The following SRGAP3 variants were observed in gnomAD, a reference collection of about 807,000 sequenced individuals.
SRGAP3 encodes SLIT-ROBO Rho GTPase activating protein 3.
A neutral mutation model predicts 121.1 loss-of-function variants in SRGAP3; 39 were observed. The observed-to-expected ratio is 0.32, with a 90% CI of 0.25 to 0.42. The LOEUF (loss-of-function observed/expected upper bound fraction) is 0.42. Ranked by LOEUF, SRGAP3 falls within the 10% of genes least tolerant of loss-of-function variation. The probability of loss-of-function intolerance (pLI) is 1.00; values close to 1 mark genes in which losing one functional copy is unlikely to be tolerated. For synonymous variants in SRGAP3, 601 were observed against 570.0 expected, an observed-to-expected ratio of 1.05 and a Z score of -0.77; for missense variants, 1,213 against 1,470.6, an observed-to-expected ratio of 0.82 and a Z score of 2.86.
chr3:9,170,059 A>G (rs543080872), intron 1 of SRGAP3, among the ~76,000 whole-genome samples: 1 of 152,216 alleles, frequency 6.6e-6, no homozygotes, highest in Non-Finnish European at 1.5e-5. Context: ...GGACAAAATG[A>G]AGATTTAATC....
chr3:9,200,952 C>G (rs1952049932), intron 1 of SRGAP3, among the ~76,000 whole-genome samples: 1 of 152,144 alleles, frequency 6.6e-6, no homozygotes, highest in African/African-American at 2.4e-5. Flanking sequence ...CAGAGATGAT[C>G]AGCTGCCAGT....
At chr3:9,018,947 C>T (rs940266916) in intron 14 of SRGAP3, among the ~76,000 whole-genome samples, 6 of 152,178 alleles carry the variant, frequency 3.9e-5, no homozygotes, top group East Asian at 1.9e-4. Flanking sequence ...TTATTTCTTA[C>T]ACAGAATGTA....
At chr3:9,097,017 G>A (rs1292505920) in intron 3 of SRGAP3, among the ~76,000 whole-genome samples, 1 of 139,046 alleles carries the variant, frequency 7.2e-6, no homozygotes, top group Non-Finnish European at 1.5e-5. Context: ...TAGAGACAGG[G>A]TCTCTCTCTA....
At chr3:9,149,213 CAAAAAAAA>C (rs548286364) in intron 1 of SRGAP3, among the ~76,000 whole-genome samples, 3 of 56,612 alleles carry the variant, frequency 5.3e-5, no homozygotes, top group East Asian at 4.8e-4. Flanking sequence ...GACTCCGTCT[CAAAAAAAA>C]AAAAAAAAAA....
Position 8,981,769 on chromosome 3 carries a change from T to C in SRGAP3, c.*3750A>G. 1 of 229,622 alleles carries C rather than the reference T, an allele frequency of 4.4e-6. No homozygotes were observed. Among genetic ancestry groups the C allele is most frequent in the Non-Finnish European group, 8.7e-6 (1 of 115,586 alleles). The allele number at this position is 229,622 out of a possible 1,614,324, so 14.2% of individuals were successfully genotyped here. A position where few individuals can be genotyped will look rare whatever the true frequency, so the allele number is the denominator to read the frequency against. ...TAGCCAAAATATGGCTCAATTTCCC[T>C]GTGTCTCTTCCCACTCCGATTTCTT... On this transcript the variant is annotated 3_prime_UTR_variant, in exon 22 of 22. Coordinates refer to ENST00000383836, the MANE Select transcript of SRGAP3 (RefSeq NM_014850.4).
intron 14 of SRGAP3, among the ~76,000 whole-genome samples, chr3:9,018,668 T>A (rs1037364832): frequency 5.3e-5 from 8 of 152,240 alleles, no homozygotes; most frequent in Non-Finnish European, 1.2e-4. Flanking sequence ...TCGGAGTACA[T>A]GTTCAAAAGT....
At chr3:9,084,329 A>G (rs763706093) in intron 3 of SRGAP3, among the ~76,000 whole-genome samples, 1 of 152,186 alleles carries the variant, frequency 6.6e-6, no homozygotes, top group Non-Finnish European at 1.5e-5. Flanking sequence ...GGTGTGTGTT[A>G]TTAGTCCAGA....
rs201924100 is a variant in SRGAP3 at position 9,040,306 on chromosome 3, C to CT, written c.1409-2217dup. On this transcript the variant is annotated intron_variant, in intron 10 of 21. Transcript: ENST00000383836. ...GACCTCTTACTCTGTTTTATAAACCCTTTGAGGTCAGAGTAGACCCTTCAA... is the reference window on the plus strand; with the variant it reads ...GACCTCTTACTCTGTTTTATAAACCCTTTTGAGGTCAGAGTAGACCCTTCAA... 6.7e-3 allele frequency among the ~76,000 whole-genome samples: 1,018 copies of CT among 152,294 alleles called. 44 individuals are homozygous for CT. Among genetic ancestry groups the CT allele is most frequent in the Admixed American group, 0.06 (916 of 15,290 alleles).
intron 10 of SRGAP3, among the ~76,000 whole-genome samples, chr3:9,042,115 AAAAGAG>A (rs1369756580): frequency 2.0e-5 from 3 of 152,088 alleles, no homozygotes; most frequent in African/African-American, 4.8e-5. Flanking sequence ...AAAAAAAAAA[AAAAGAG>A]AGAGAGAGAA....
intron 1 of SRGAP3, among the ~76,000 whole-genome samples, chr3:9,205,006 G>A (rs1254577494): frequency 6.6e-6 from 1 of 152,240 alleles, no homozygotes; most frequent in African/African-American, 2.4e-5. Flanking sequence ...TTAGACTACA[G>A]CACCTTGGTG....
At chr3:9,099,896 G>A (rs997379037) in intron 3 of SRGAP3, among the ~76,000 whole-genome samples, 2 of 152,174 alleles carry the variant, frequency 1.3e-5, no homozygotes, top group Non-Finnish European at 2.9e-5. Context: ...GGCCAGAGAG[G>A]CAAAATCAAG....
At chr3:9,270,668 T>A (rs1482243215) in intron 3 of SRGAP3, among the ~76,000 whole-genome samples, 6 of 152,162 alleles carry the variant, frequency 3.9e-5, no homozygotes, top group Non-Finnish European at 7.3e-5. Context: ...ATACCTATAA[T>A]CATAAGTGTG....
Position 9,329,503 on chromosome 3 carries a change from C to T in SRGAP3, n.283+1025G>A, listed in dbSNP as rs530356619. On this transcript the variant is annotated intron_variant and non_coding_transcript_variant, in intron 2 of 3. Coordinates refer to the SRGAP3 transcript ENST00000490889. ...CAAACCAGCAAGGCTTACATTTGCC[C>T]TCAGATGGGCCCCTCATCTTTAACC... 1.1e-3 allele frequency among the ~76,000 whole-genome samples: 167 copies of T among 152,348 alleles called. 1 individual carries two copies. Among genetic ancestry groups the T allele is most frequent in the African/African-American group, 3.7e-3 (154 of 41,576 alleles).
At chr3:9,035,973 G>C (rs999221096) in intron 11 of SRGAP3, 3 of 152,228 alleles carry the variant, frequency 2.0e-5, no homozygotes, top group African/African-American at 7.2e-5. Flanking sequence ...TGTCAACCTG[G>C]GTAAGGGGAG....
chr3:8,988,872 C>G (rs1941880158), intron 21 of SRGAP3, among the ~76,000 whole-genome samples: 1 of 152,264 alleles, frequency 6.6e-6, no homozygotes, highest in East Asian at 1.9e-4. Context: ...GATCTAATGC[C>G]CCCGCTGATC....
At chr3:9,290,144 T>C (rs1392324792) in intron 3 of SRGAP3, among the ~76,000 whole-genome samples, 1 of 152,038 alleles carries the variant, frequency 6.6e-6, no homozygotes, top group Non-Finnish European at 1.5e-5. Context: ...GTTCAGCAAG[T>C]GTCTATGAAG....
At chr3:9,298,966 C>A (rs1472654074) in intron 3 of SRGAP3, among the ~76,000 whole-genome samples, 1 of 149,630 alleles carries the variant, frequency 6.7e-6, no homozygotes. Flanking sequence ...GTGGGAGAAT[C>A]GCTTGAACCA....
At chr3:9,322,910 C>T (rs568810300) in intron 3 of SRGAP3, among the ~76,000 whole-genome samples, 30 of 151,916 alleles carry the variant, frequency 2.0e-4, no homozygotes, top group Admixed American at 4.6e-4. Context: ...TCTATTCATA[C>T]TCACCAAAGC....
intron 13 of SRGAP3, among the ~76,000 whole-genome samples, chr3:9,026,000 C>A (rs412680): frequency 0.58 from 88,147 of 151,986 alleles, 26,126 homozygotes; most frequent in African/African-American, 0.67. Flanking sequence ...CATCTCTTTA[C>A]TTAAACAATA....
Sources: allele counts gnomAD v4.1 joint callset (sites outside exome capture counted in the v4.1 genomes callset), GRCh38; gene constraint gnomAD v4.1.1; transcripts MANE v1.5; gene names NCBI Gene and HGNC (gene_info 2026-07-23, HGNC 2026-07-21).